Variants in ZAP70 observed in about 807,000 individuals in gnomAD.
ZAP70 encodes tyrosine-protein kinase ZAP-70.
ZAP70 carries 27 observed loss-of-function variants against 65.8 expected under a neutral mutation model. That is an observed-to-expected ratio of 0.41 (90% CI 0.30 to 0.57). ZAP70 has a LOEUF of 0.57. Ranked by LOEUF, ZAP70 falls within the 20% of genes least tolerant of loss-of-function variation. The pLI, the probability that ZAP70 is intolerant of heterozygous loss-of-function variation, is 0.28. For missense variants in ZAP70, 696 were observed against 870.5 expected, an observed-to-expected ratio of 0.80 and a Z score of 2.52; for synonymous variants, 363 against 360.8, an observed-to-expected ratio of 1.01 and a Z score of -0.07.
chr2:97,745,680 G>T, the ZAP70 span, among the ~76,000 whole-genome samples: 1 of 152,220 alleles, frequency 6.6e-6, no homozygotes. Flanking sequence ...TGAGGGTGTG[G>T]CGAAATTGGA....
chr2:97,747,827 T>G, the ZAP70 span, among the ~76,000 whole-genome samples: 3 of 129,268 alleles, frequency 2.3e-5, no homozygotes, highest in Non-Finnish European at 3.3e-5. Context: ...TTTTTTTTTT[T>G]TTTTTTTTTT....
rs1366382162 is a variant in ZAP70, at chr2:97,733,002, A to G, written c.683A>G (p.Lys228Arg). 6.2e-7 allele frequency: 1 copy of G among 1,614,132 alleles called. No individual in the cohort carries two copies. Among genetic ancestry groups the G allele is most frequent in the African/African-American group, 1.3e-5 (1 of 75,062 alleles). ...AAGTACTGCATTCCCGAGGGCACCAAGTTTGACACGCTCTGGCAGGTAGGC... is the reference window on the plus strand; with the variant it reads ...AAGTACTGCATTCCCGAGGGCACCAGGTTTGACACGCTCTGGCAGGTAGGC... ...AGKYCIPEGT[K>R]FDTLWQLVEY... The change falls in exon 5 of 14, where the codon AAG becomes AGG. Residue 228 changes from lysine (K) to arginine (R), a missense_variant. Physicochemically the swap from Lys to Arg is conservative, Grantham distance 26 (BLOSUM62 2). Around this residue, in one of 3 missense-constraint regions of ZAP70, gnomAD observed 551 missense variants for 630.0 expected, o/e 0.87. Transcript: ENST00000264972.
At chr2:97,724,702 G>A in intron 3 of ZAP70, 2 of 1,518,162 alleles carry the variant, frequency 1.3e-6, no homozygotes, top group Non-Finnish European at 1.8e-6. Context: ...GACGCACTGG[G>A]CCGGGCGAAG....
the ZAP70 span, among the ~76,000 whole-genome samples, chr2:97,748,883 G>GTGGGAGGCCATGAGCCCGGGGC: frequency 6.6e-6 from 1 of 152,254 alleles, no homozygotes; most frequent in African/African-American, 2.4e-5. Context: ...TTTCCCTCCC[G>GTGGGAGGCCATGAGCCCGGGGC]TGGGAGGCCA....
the ZAP70 span, among the ~76,000 whole-genome samples, chr2:97,755,430 C>T: frequency 1.6e-4 from 24 of 152,238 alleles, no homozygotes; most frequent in African/African-American, 5.8e-4. Flanking sequence ...GTGACTGCCA[C>T]CTGTGGCTCC....
At chr2:97,744,561 A>C (rs1322821614), downstream of ZAP70, among the ~76,000 whole-genome samples, 2 of 152,192 alleles carry the variant, frequency 1.3e-5, no homozygotes, top group Admixed American at 1.3e-4. Flanking sequence ...ACTTCCTTCC[A>C]TGGAGGAAAG....
At chr2:97,719,553 T>TGGGG (rs148330791) in intron 2 of ZAP70, among the ~76,000 whole-genome samples, 3 of 89,128 alleles carry the variant, frequency 3.4e-5, no homozygotes, top group African/African-American at 1.3e-4. Flanking sequence ...GAGAACAGCC[T>TGGGG]GGGGGGGGGG....
At chr2:97,732,851 T>C in intron 4 of ZAP70, 32 bp from the exon 5 acceptor site, 1 of 1,613,292 alleles carries the variant, frequency 6.2e-7, no homozygotes, top group Non-Finnish European at 8.5e-7. Context: ...CAGGTGGCTC[T>C]AGGGGTTACA....
chr2:97,746,133 C>T, the ZAP70 span, among the ~76,000 whole-genome samples: 6 of 151,960 alleles, frequency 3.9e-5, no homozygotes, highest in East Asian at 1.9e-4. Context: ...TTCATAGAGA[C>T]GGGAAGCAGA....
rs1452770722 is a variant in ZAP70, at chr2:97,736,269, T to C, written c.1289+813T>C. Reference sequence around the variant, plus strand: ...AAATCCTTACTATCCGGCCCTTTACTGAAAAGTTTTGCAGTTTCATTTGTG... The same window carrying C: ...AAATCCTTACTATCCGGCCCTTTACCGAAAAGTTTTGCAGTTTCATTTGTG... On this transcript the variant is annotated intron_variant, in intron 10 of 13. Transcript: ENST00000264972. This position sits in a 1 kb window ranked among gnomAD's most constrained non-coding sequence, Gnocchi z 4.0. Among the ~76,000 whole-genome samples, 2 of 152,192 alleles carry C rather than the reference T, an allele frequency of 1.3e-5. No homozygotes were observed. Among genetic ancestry groups the C allele is most frequent in the African/African-American group, 2.4e-5 (1 of 41,438 alleles).
At chr2:97,723,066 T>C (rs1463632078) in intron 2 of ZAP70, among the ~76,000 whole-genome samples, 1 of 152,192 alleles carries the variant, frequency 6.6e-6, no homozygotes, top group Non-Finnish European at 1.5e-5. Context: ...CCCCAGAAAG[T>C]TGAGGGCAGG....
rs1677979062 is a variant in ZAP70, at chr2:97,738,021, C to T, written c.1650C>T (p.Ala550=). The T allele has an allele frequency of 3.7e-6, 6 of 1,613,426 alleles. No homozygotes were observed. Among genetic ancestry groups the T allele is most frequent in the Non-Finnish European group, 5.1e-6 (6 of 1,179,552 alleles). Residue 550 remains alanine, a synonymous_variant, in exon 13 of 14, where the codon GCC becomes GCT. Transcript: ENST00000264972. ...YKKMKGPEVM[A]FIEQGKRMEC... ...AGATGAAAGGGCCGGAGGTCATGGC[C>T]TTCATCGAGCAGGGCAAGCGGATGG...
At chr2:97,751,889 A>G in the ZAP70 span, among the ~76,000 whole-genome samples, 1 of 152,216 alleles carries the variant, frequency 6.6e-6, no homozygotes, top group Non-Finnish European at 1.5e-5. Flanking sequence ...ACTTAGTCCC[A>G]TGAGAATGGC....
At chr2:97,729,663 G>T (rs971484958) in intron 4 of ZAP70, among the ~76,000 whole-genome samples, 13 of 151,398 alleles carry the variant, frequency 8.6e-5, no homozygotes, top group Non-Finnish European at 1.9e-4. Context: ...TTTTTAGCCT[G>T]TACTTCTGGC....
At chr2:97,742,313 T>C (rs566264952), downstream of ZAP70, among the ~76,000 whole-genome samples, 1 of 152,358 alleles carries the variant, frequency 6.6e-6, no homozygotes, top group African/African-American at 2.4e-5. Context: ...TATCTTATTG[T>C]GTAAATTAAG....
intron 10 of ZAP70, 117 bp downstream of exon 10, chr2:97,735,573 G>A (rs1677840657): frequency 8.2e-7 from 1 of 1,223,650 alleles, no homozygotes; most frequent in Non-Finnish European, 1.1e-6. Flanking sequence ...CCACACCATC[G>A]TGGACACACT....
the ZAP70 span, among the ~76,000 whole-genome samples, chr2:97,753,338 A>G: frequency 6.6e-6 from 1 of 152,248 alleles, no homozygotes; most frequent in Non-Finnish European, 1.5e-5. Context: ...AATGTTAAAT[A>G]TAGTCTTTTC....
At chr2:97,718,186 T>G (rs1559316274) in intron 2 of ZAP70, among the ~76,000 whole-genome samples, 1 of 152,090 alleles carries the variant, frequency 6.6e-6, no homozygotes, top group Non-Finnish European at 1.5e-5. Flanking sequence ...GGGGTGGGTC[T>G]CATGGTGGGT....
chr2:97,732,052 T>C (rs978076885), intron 4 of ZAP70, among the ~76,000 whole-genome samples: 20 of 151,936 alleles, frequency 1.3e-4, no homozygotes, highest in African/African-American at 4.3e-4. Flanking sequence ...TGACACTAAG[T>C]TGGTCTGTGT....
Sources: allele counts gnomAD v4.1 joint callset (sites outside exome capture counted in the v4.1 genomes callset), GRCh38; gene constraint gnomAD v4.1.1; regional missense constraint gnomAD v4.1.1; non-coding constraint Gnocchi (gnomAD v3.1); transcripts MANE v1.5; gene names NCBI Gene and HGNC (gene_info 2026-07-23, HGNC 2026-07-21).